The following FER1L5 variants were observed in gnomAD, a reference collection of about 807,000 sequenced individuals.
The protein encoded by FER1L5 is fer-1 like family member 5, also known as fer-1-like protein 5.
Under a neutral mutation model 279.9 loss-of-function variants are expected in FER1L5, and 187 were observed. That is an observed-to-expected ratio of 0.67 (90% CI 0.59 to 0.75). The LOEUF is 0.75. Among genes scored for constraint, FER1L5 ranks in the 30% least tolerant of loss-of-function variants. FER1L5 has a pLI of 0.00. For synonymous variants in FER1L5, 921 were observed against 989.7 expected (o/e 0.93, Z 1.30); for missense variants, 2,091 against 2,594.4 (o/e 0.81, Z 4.21).
At position 96,686,180 on chromosome 2, in the gene FER1L5, C is replaced by A; in HGVS notation, c.2074-15C>A. Reference sequence around the variant, plus strand: ...AGCCAGCCGCGCAGGGCCTGACATTCTCCCACCTCGGCAGCCCCAGATGGG... The same window carrying A: ...AGCCAGCCGCGCAGGGCCTGACATTATCCCACCTCGGCAGCCCCAGATGGG... On this transcript the variant is annotated splice_polypyrimidine_tract_variant and intron_variant, in intron 22 of 52. Transcript: ENST00000624922. The A allele has an allele frequency of 6.5e-7, 1 of 1,549,282 alleles. No individual in the cohort carries two copies. Among genetic ancestry groups the A allele is most frequent in the Non-Finnish European group, 8.7e-7 (1 of 1,145,382 alleles).
chr2:96,691,920 C>T lies in FER1L5; in HGVS notation c.3171C>T (p.Asp1057=). 1 of 1,551,054 alleles carries T rather than the reference C, an allele frequency of 6.4e-7. No homozygotes were observed. The highest frequency in any genetic ancestry group is 8.7e-7 in the Non-Finnish European group (1 of 1,146,898). The stretch of plus-strand genomic sequence containing the variant: ...AGTTCAGGGACCCCCAGAGGCAGGA[C>T]ACCCGGCCCCCCAACTTGCCCTTCA... ...DRQFRDPQRQ[D]TRPPNLPFIY... Residue 1057 remains aspartate, a synonymous_variant, in exon 30 of 53, where the codon GAC becomes GAT. Coordinates refer to ENST00000624922, the MANE Select transcript of FER1L5 (RefSeq NM_001293083.2). The surrounding 1 kb of genome is among the most constrained non-coding windows in gnomAD (Gnocchi z 6.0).
chr2:96,694,300 G>A lies in FER1L5; in HGVS notation c.3637-60G>A. 2 of 1,454,022 alleles carry A rather than the reference G, an allele frequency of 1.4e-6. No individual in the cohort carries two copies. The highest frequency in any genetic ancestry group is 1.4e-5 in the South Asian group (1 of 73,274). The allele number at this position is 1,454,022 out of a possible 1,614,324, so 90.1% of individuals were successfully genotyped here. A position where few individuals can be genotyped will look rare whatever the true frequency, so the allele number is the denominator to read the frequency against. On this transcript the variant is annotated intron_variant, in intron 33 of 52. Transcript: ENST00000624922. This position sits in a 1 kb window ranked among gnomAD's most constrained non-coding sequence, Gnocchi z 4.6. ...TGAGGCCTCTGAGGGACCTGCTTGA[G>A]GTGAGGGTGAGGGCAGCAGGACCAG...
At chr2:96,684,506 G>A in intron 20 of FER1L5, 55 bp downstream of exon 20, 1 of 1,525,500 alleles carries the variant, frequency 6.6e-7, no homozygotes, top group Non-Finnish European at 8.8e-7. Flanking sequence ...GTGTGGCTGG[G>A]AGACTTGGGA....
At chr2:96,692,070 G>A (rs766819508) in intron 30 of FER1L5, 34 bp from the exon 31 acceptor site, 1 of 1,551,190 alleles carries the variant, frequency 6.4e-7, no homozygotes, top group South Asian at 1.2e-5. Context: ...TGGGGTCCTG[G>A]GGCAGGTGAC....
intron 19 of FER1L5, among the ~76,000 whole-genome samples, chr2:96,673,567 T>C (rs2076405176): frequency 6.6e-6 from 1 of 151,998 alleles, no homozygotes; most frequent in Non-Finnish European, 1.5e-5. Flanking sequence ...CACCCACCAA[T>C]TCACGCATCC....
intron 14 of FER1L5, among the ~76,000 whole-genome samples, chr2:96,667,751 G>T (rs760108364): frequency 8.5e-5 from 13 of 152,240 alleles, no homozygotes; most frequent in Non-Finnish European, 1.9e-4. Flanking sequence ...AGATGGTTTG[G>T]TGAATGTGCA....
intron 6 of FER1L5, 106 bp downstream of exon 6, chr2:96,650,395 G>A: frequency 1.1e-6 from 1 of 903,100 alleles, no homozygotes; most frequent in Non-Finnish European, 1.7e-6. Flanking sequence ...GAAGGGCAGA[G>A]CTTCAGACCC....
chr2:96,658,935 T>A (rs1283806036), intron 9 of FER1L5, among the ~76,000 whole-genome samples: 3 of 151,082 alleles, frequency 2.0e-5, no homozygotes, highest in African/African-American at 7.4e-5. Context: ...CATTTTCTGT[T>A]TTGTTTTTGT....
At chr2:96,704,070 C>T in intron 51 of FER1L5, 145 bp from the exon 52 acceptor site, 1 of 970,924 alleles carries the variant, frequency 1.0e-6, no homozygotes. Context: ...CTCACCTCGG[C>T]CTCCCAAAAT....
chr2:96,652,073 C>T, intron 7 of FER1L5, 53 bp downstream of exon 7: 1 of 1,549,470 alleles, frequency 6.5e-7, no homozygotes, highest in African/African-American at 1.4e-5. Flanking sequence ...CTGGGCATCC[C>T]CGGTGGGCAG....
rs2077287354 is a variant in FER1L5, at chr2:96,694,507, G to A, written c.3741+43G>A. The A allele has an allele frequency of 6.8e-7, 1 of 1,477,350 alleles. No homozygotes were observed. Among genetic ancestry groups the A allele is most frequent in the Non-Finnish European group, 9.1e-7 (1 of 1,098,252 alleles). The allele number at this position is 1,477,350 out of a possible 1,614,324, so 91.5% of individuals were successfully genotyped here. A position where few individuals can be genotyped will look rare whatever the true frequency, so the allele number is the denominator to read the frequency against. ...TGGGGACGGTGGGCAGGACAGGCGG[G>A]GGTGGTCTGGAGTGCGCTGCAGCCT... On this transcript the variant is annotated intron_variant, in intron 34 of 52. Coordinates refer to ENST00000624922, the MANE Select transcript of FER1L5 (RefSeq NM_001293083.2). The surrounding 1 kb of genome is among the most constrained non-coding windows in gnomAD (Gnocchi z 4.6).
chr2:96,676,115 C>A (rs1203209954), intron 19 of FER1L5, among the ~76,000 whole-genome samples: 1 of 152,156 alleles, frequency 6.6e-6, no homozygotes. Flanking sequence ...TTATTTTTCT[C>A]TATACAGATA....
In FER1L5 at chr2:96,695,498, T is replaced by C; in HGVS notation, c.3742-11T>C. ...TGCCCCTTGTCCTGCCCTCCTTCTT[T>C]GTTCTGGTAGATCCTGGCCTGGGGC... On this transcript the variant is annotated splice_polypyrimidine_tract_variant and intron_variant, in intron 34 of 52. Transcript: ENST00000624922. 1.3e-6 allele frequency: 2 copies of C among 1,573,960 alleles called. No homozygotes were observed. The highest frequency in any genetic ancestry group is 1.7e-6 in the Non-Finnish European group (2 of 1,162,620).
intron 45 of FER1L5, 100 bp from the exon 46 acceptor site, chr2:96,701,855 A>C: frequency 5.2e-6 from 6 of 1,149,494 alleles, no homozygotes; most frequent in Non-Finnish European, 3.8e-6. Flanking sequence ...TTGGGAACAC[A>C]ACCTCAACAG....
intron 6 of FER1L5, among the ~76,000 whole-genome samples, chr2:96,651,549 T>C (rs1236709655): frequency 2.0e-5 from 3 of 147,096 alleles, no homozygotes; most frequent in Non-Finnish European, 4.5e-5. Flanking sequence ...TTGCCCAGGC[T>C]GGAGTGCAGT....
chr2:96,702,972 C>G lies in FER1L5; in HGVS notation c.5398-6C>G. 1 of 1,609,800 alleles carries G rather than the reference C, an allele frequency of 6.2e-7. No individual in the cohort carries two copies. On this transcript the variant is annotated splice_region_variant and splice_polypyrimidine_tract_variant and intron_variant, in intron 48 of 52. Coordinates refer to ENST00000624922, the MANE Select transcript of FER1L5 (RefSeq NM_001293083.2). This position sits in a 1 kb window ranked among gnomAD's most constrained non-coding sequence, Gnocchi z 4.0. ...CCGGTAACACGCCCTTCCGCCATTT[C>G]CCCAGGATTACATATGGAGCCTGGA... is the stretch of plus-strand genomic sequence containing the variant.
intron 23 of FER1L5, among the ~76,000 whole-genome samples, chr2:96,687,460 C>T (rs1301711804): frequency 6.6e-6 from 1 of 152,270 alleles, no homozygotes; most frequent in East Asian, 1.9e-4. Context: ...ACCATGCCCT[C>T]TCATGGTGGG....
intron 9 of FER1L5, chr2:96,654,704 C>T (rs918684847): frequency 2.7e-5 from 8 of 300,858 alleles, no homozygotes; most frequent in Middle Eastern, 9.0e-4. Context: ...TCGAGACCAT[C>T]GTGGCTAACA....
At chr2:96,688,612 A>G (rs2077023476) in intron 24 of FER1L5, among the ~76,000 whole-genome samples, 1 of 152,170 alleles carries the variant, frequency 6.6e-6, no homozygotes, top group East Asian at 1.9e-4. Flanking sequence ...TACTGAATTA[A>G]AACATACGTT....
Sources: allele counts gnomAD v4.1 joint callset (sites outside exome capture counted in the v4.1 genomes callset), GRCh38; gene constraint gnomAD v4.1.1; non-coding constraint Gnocchi (gnomAD v3.1); transcripts MANE v1.5; gene names NCBI Gene and HGNC (gene_info 2026-07-23, HGNC 2026-07-21).